The following PSMD6 variants were observed in gnomAD, a reference collection of about 807,000 sequenced individuals.
PSMD6 encodes the protein proteasome 26S subunit, non-ATPase 6, also known as 26S proteasome non-ATPase regulatory subunit 6.
PSMD6 carries 7 observed loss-of-function variants against 44.9 expected under a neutral mutation model. The observed-to-expected ratio is 0.16, with a 90% CI of 0.09 to 0.29. PSMD6 has a LOEUF of 0.29. Among genes scored for constraint, PSMD6 ranks in the 10% least tolerant of loss-of-function variants. The pLI, the probability that PSMD6 is intolerant of heterozygous loss-of-function variation, is 1.00. For synonymous variants in PSMD6, 184 were observed against 172.7 expected (o/e 1.07, Z -0.51); for missense variants, 420 against 482.6 (o/e 0.87, Z 1.21).
rs554632622 is a variant in PSMD6 at position 64,011,007 on chromosome 3, A to ATTT, written c.996-53_996-52insAAA. The ATTT allele has an allele frequency of 3.5e-3, 4,964 of 1,430,552 alleles. 14 individuals carry two copies. The highest frequency in any genetic ancestry group is 4.1e-3 in the Non-Finnish European group (4,272 of 1,044,066). The allele number at this position is 1,430,552 out of a possible 1,614,324, so 88.6% of individuals were successfully genotyped here. A position where few individuals can be genotyped will look rare whatever the true frequency, so the allele number is the denominator to read the frequency against. On this transcript the variant is annotated intron_variant, in intron 6 of 7. Coordinates refer to ENST00000295901, the MANE Select transcript of PSMD6 (RefSeq NM_014814.3). ...ATTAGCTTTATAGAAAATTCTTAGAAAAATGCAAACGGCATTAAAATACTG... is the reference window on the plus strand; with the variant it reads ...ATTAGCTTTATAGAAAATTCTTAGAATTTAAATGCAAACGGCATTAAAATACTG...
At chr3:64,013,633 T>C (rs1420565787) in intron 5 of PSMD6, 26 bp from the exon 6 acceptor site, 5 of 1,577,826 alleles carry the variant, frequency 3.2e-6, no homozygotes, top group Non-Finnish European at 4.3e-6. Context: ...TGACAAATTA[T>C]AATAGACTCT....
At position 64,010,657 on chromosome 3, in the gene PSMD6, G is replaced by A. The variant is rs1488011655; in HGVS notation, c.*11C>T. 4.5e-6 allele frequency: 7 copies of A among 1,546,004 alleles called. No homozygotes were observed. Among genetic ancestry groups the A allele is most frequent in the Non-Finnish European group, 6.2e-6 (7 of 1,127,094 alleles). ...TATCTCTAAAGCAAATCCTTTGTTA[G>A]TTACATGGCTTTACATATTAATTAC... On this transcript the variant is annotated 3_prime_UTR_variant, in exon 8 of 8. Coordinates refer to ENST00000295901, the MANE Select transcript of PSMD6 (RefSeq NM_014814.3).
Position 64,023,458 on chromosome 3 carries a change from G to T in PSMD6, c.-39C>A. 6.5e-7 allele frequency: 1 copy of T among 1,527,214 alleles called. No individual in the cohort carries two copies. Among genetic ancestry groups the T allele is most frequent in the African/African-American group, 1.4e-5 (1 of 71,096 alleles). 94.6% of individuals were successfully genotyped at this position (1,527,214 alleles called of 1,614,324 possible). A position where few individuals can be genotyped will look rare whatever the true frequency, so the allele number is the denominator to read the frequency against. ...ACAGCGGCTGACAGGACACAACTTG[G>T]TTACGACCGGCTGCGGCAGCGGAAG... On this transcript the variant is annotated 5_prime_UTR_variant, in exon 1 of 8. Coordinates refer to ENST00000295901, the MANE Select transcript of PSMD6 (RefSeq NM_014814.3).
rs1325440248 is a variant in PSMD6, at chr3:64,010,599, A to ATTGTGAAG, written c.*61_*68dup. 8.6e-7 allele frequency: 1 copy of ATTGTGAAG among 1,156,286 alleles called. No individual in the cohort carries two copies. Among genetic ancestry groups the ATTGTGAAG allele is most frequent in the Non-Finnish European group, 1.2e-6 (1 of 803,948 alleles). The allele number at this position is 1,156,286 out of a possible 1,614,324, so 71.6% of individuals were successfully genotyped here. ...TATTTTATACAGCTGACCTGGGCAC[A>ATTGTGAAG]TTGTGAAGTAAGCTATAAAAATTCC... On this transcript the variant is annotated 3_prime_UTR_variant, in exon 8 of 8. Transcript: ENST00000295901.
upstream of PSMD6, chr3:64,023,507 C>T (rs937647571): frequency 4.2e-6 from 6 of 1,428,976 alleles, no homozygotes; most frequent in South Asian, 1.5e-5. Flanking sequence ...CGAATACGCC[C>T]GGCCGCCTGC....
chr3:64,010,971 A>AAAAT lies in PSMD6; in HGVS notation c.996-20_996-17dup. 6.4e-7 allele frequency: 1 copy of AAAAT among 1,559,468 alleles called. No homozygotes were observed. Among genetic ancestry groups the AAAAT allele is most frequent in the East Asian group, 2.2e-5 (1 of 44,594 alleles). On this transcript the variant is annotated splice_polypyrimidine_tract_variant and intron_variant, in intron 6 of 7. Transcript: ENST00000295901. The stretch of plus-strand genomic sequence containing the variant: ...GGACAGTTCCCTAATTTAGAGACAA[A>AAAAT]AAATAACAGAATTAGCTTTATAGAA...
chr3:64,019,144 G>T, intron 3 of PSMD6, 107 bp from the exon 4 acceptor site: 2 of 1,384,424 alleles, frequency 1.4e-6, no homozygotes, highest in Non-Finnish European at 2.0e-6. Flanking sequence ...AACTTGAACC[G>T]AAAGGAGATA....
At chr3:64,023,818 G>A, upstream of PSMD6, 1 of 1,479,038 alleles carries the variant, frequency 6.8e-7, no homozygotes, top group Non-Finnish European at 9.1e-7. Context: ...AGTTTGTCGA[G>A]TCGTTACTCT....
chr3:64,023,702 C>A, upstream of PSMD6: 1 of 1,481,808 alleles, frequency 6.7e-7, no homozygotes, highest in South Asian at 1.3e-5. Flanking sequence ...GAATCTCTTT[C>A]TCACTCCCTT....
At chr3:64,015,114 CTAA>C (rs1312151282) in intron 5 of PSMD6, 1 of 152,158 alleles carries the variant, frequency 6.6e-6, no homozygotes, top group Non-Finnish European at 1.5e-5. Flanking sequence ...CGTATTCTCA[CTAA>C]TAAGAGAAAT....
At chr3:64,012,979 G>A (rs1212266631) in intron 6 of PSMD6, 1 of 152,904 alleles carries the variant, frequency 6.5e-6, no homozygotes, top group African/African-American at 2.4e-5. Flanking sequence ...GGCTCATTAA[G>A]TATTTATTTG....
chr3:64,019,523 A>C, intron 2 of PSMD6, 82 bp from the exon 3 acceptor site: 1 of 1,452,800 alleles, frequency 6.9e-7, no homozygotes, highest in Non-Finnish European at 9.3e-7. Context: ...ATTTTCTTCA[A>C]AGGTTGAGGG....
At chr3:64,012,898 C>CT (rs1053883571) in intron 6 of PSMD6, 2 of 152,194 alleles carry the variant, frequency 1.3e-5, no homozygotes, top group Non-Finnish European at 2.9e-5. Flanking sequence ...TCCTTGCCAT[C>CT]TCTTCCCTAC....
chr3:64,017,966 T>G (rs2076073327), intron 5 of PSMD6, among the ~76,000 whole-genome samples: 1 of 152,164 alleles, frequency 6.6e-6, no homozygotes, highest in African/African-American at 2.4e-5. Flanking sequence ...CAGGAAAGAA[T>G]GGGGACAAGA....
At chr3:64,022,847 A>G in intron 1 of PSMD6, 2 of 1,531,638 alleles carry the variant, frequency 1.3e-6, no homozygotes, top group Non-Finnish European at 1.7e-6. Flanking sequence ...TCACATACAT[A>G]TGTTCAAACA....
chr3:64,018,503 T>C (rs1576033552), intron 5 of PSMD6, 96 bp downstream of exon 5: 2 of 896,780 alleles, frequency 2.2e-6, no homozygotes, highest in Non-Finnish European at 1.7e-6. Context: ...ACACACTACA[T>C]TTCTCAGATA....
chr3:64,019,538 G>C, intron 2 of PSMD6, 97 bp from the exon 3 acceptor site: 1 of 1,348,252 alleles, frequency 7.4e-7, no homozygotes, highest in Non-Finnish European at 1.0e-6. Context: ...TGAGGGAAGA[G>C]GTAGGAGTAG....
upstream of PSMD6, chr3:64,023,708 C>G: frequency 6.7e-7 from 1 of 1,482,254 alleles, no homozygotes; most frequent in South Asian, 1.3e-5. Flanking sequence ...CTTTCTCACT[C>G]CCTTTTTAGC....
intron 1 of PSMD6, chr3:64,023,055 G>C (rs1576040732): frequency 2.1e-6 from 3 of 1,429,498 alleles, no homozygotes; most frequent in Non-Finnish European, 2.7e-6. Context: ...CCTTACAGGG[G>C]AAGGCGGCAC....
Sources: allele counts gnomAD v4.1 joint callset (sites outside exome capture counted in the v4.1 genomes callset), GRCh38; gene constraint gnomAD v4.1.1; transcripts MANE v1.5; gene names NCBI Gene and HGNC (gene_info 2026-07-23, HGNC 2026-07-21).